Variants in CADM2 observed in about 807,000 individuals in gnomAD.
CADM2 encodes the protein immunoglobulin superfamily member 4D.
A neutral mutation model predicts 49.8 loss-of-function variants in CADM2; 12 were observed. The observed-to-expected ratio is 0.24, with a 90% CI of 0.15 to 0.39. CADM2 has a LOEUF of 0.39. Among genes scored for constraint, CADM2 ranks in the 10% least tolerant of loss-of-function variants. The pLI is 1.00. For missense variants in CADM2, 378 were observed against 492.3 expected (o/e 0.77, Z 2.20); for synonymous variants, 214 against 175.4 (o/e 1.22, Z -1.74).
intron 1 of CADM2, among the ~76,000 whole-genome samples, chr3:85,164,519 C>T (rs1327498698): frequency 6.6e-6 from 1 of 152,012 alleles, no homozygotes; most frequent in Non-Finnish European, 1.5e-5. Context: ...AGCAATCTGT[C>T]ACGGGAAGAC....
chr3:86,014,417 T>C (rs1731952007), intron 8 of CADM2: 1 of 1,482,306 alleles, frequency 6.7e-7, no homozygotes, highest in South Asian at 1.4e-5. Flanking sequence ...TGATGGAAAA[T>C]ATTGAAGTTT....
In CADM2 at chr3:85,714,426, G is replaced by T. The variant is rs532741058; in HGVS notation, c.62-12096G>T. On this transcript the variant is annotated intron_variant, in intron 1 of 9. Transcript: ENST00000383699. ...TGTCAAATTTTGTTTTCTGTTTTTTGTTTGTTTGTTTGTTTTTTGAGATGG... is the reference window on the plus strand; with the variant it reads ...TGTCAAATTTTGTTTTCTGTTTTTTTTTTGTTTGTTTGTTTTTTGAGATGG... 4.6e-5 allele frequency among the ~76,000 whole-genome samples: 7 copies of T among 151,810 alleles called. No individual in the cohort carries two copies. The East Asian group carries it at 1.4e-3, about 30-fold the overall frequency.
chr3:85,834,252 AGT>A (rs1373766952), intron 3 of CADM2, among the ~76,000 whole-genome samples: 3 of 151,678 alleles, frequency 2.0e-5, no homozygotes, highest in Non-Finnish European at 4.4e-5. Context: ...AAATATTCAT[AGT>A]GTTATGTTAC....
At chr3:84,978,482 A>G (rs1183363141) in intron 1 of CADM2, among the ~76,000 whole-genome samples, 1 of 152,186 alleles carries the variant, frequency 6.6e-6, no homozygotes, top group Non-Finnish European at 1.5e-5. Context: ...CCTTTCTCAG[A>G]CACATCATTT....
chr3:85,977,072 T>C (rs1726877757), intron 8 of CADM2, among the ~76,000 whole-genome samples: 1 of 151,070 alleles, frequency 6.6e-6, no homozygotes, highest in Non-Finnish European at 1.5e-5. Context: ...ACTGCCTATA[T>C]TGGTTGACGT....
At chr3:85,943,407 G>A (rs1373083969) in intron 7 of CADM2, among the ~76,000 whole-genome samples, 1 of 145,864 alleles carries the variant, frequency 6.9e-6, no homozygotes, top group African/African-American at 2.6e-5. Flanking sequence ...TGAAGTCCTT[G>A]CCCATGCCTA....
chr3:85,446,979 T>C (rs2037488304), intron 1 of CADM2, among the ~76,000 whole-genome samples: 1 of 111,254 alleles, frequency 9.0e-6, no homozygotes, highest in Non-Finnish European at 1.8e-5. Flanking sequence ...GACTTAAGCC[T>C]AATATGTATT....
At chr3:86,065,356 T>C (rs1739183948) in intron 8 of CADM2, among the ~76,000 whole-genome samples, 1 of 152,218 alleles carries the variant, frequency 6.6e-6, no homozygotes, top group African/African-American at 2.4e-5. Flanking sequence ...AAATTATATA[T>C]GTATATTTGC....
intron 6 of CADM2, among the ~76,000 whole-genome samples, chr3:85,926,255 G>GT (rs949610415): frequency 2.0e-5 from 3 of 151,946 alleles, no homozygotes; most frequent in Non-Finnish European, 2.9e-5. Context: ...AATTCTGTTT[G>GT]TTTTTTTGGG....
At position 85,085,422 on chromosome 3, in the gene CADM2, T is replaced by TTA. The variant is rs1167227397; in HGVS notation, c.61+125764_61+125765dup. Among the ~76,000 whole-genome samples the TTA allele has an allele frequency of 5.0e-3, 766 of 151,922 alleles. 8 individuals are homozygous for TTA. The highest frequency in any genetic ancestry group is 0.016 in the African/African-American group (667 of 41,466). ...TTTTTAAAGTCTCAATAGTATTCAA[T>TTA]TATATATATATGTATATGTATTACA... On this transcript the variant is annotated intron_variant, in intron 1 of 9. Transcript: ENST00000383699.
intron 6 of CADM2, among the ~76,000 whole-genome samples, chr3:85,931,044 A>G (rs116152699): frequency 0.033 from 5,053 of 152,012 alleles, 283 homozygotes; most frequent in African/African-American, 0.12. Flanking sequence ...AATATTTTAG[A>G]ATAGTATACC....
chr3:85,659,575 T>C (rs919531935), intron 1 of CADM2, among the ~76,000 whole-genome samples: 2 of 152,134 alleles, frequency 1.3e-5, no homozygotes, highest in Non-Finnish European at 2.9e-5. Context: ...AAATTTTCAT[T>C]TTCTGATCTC....
chr3:85,715,666 C>T (rs1050947419), intron 1 of CADM2, among the ~76,000 whole-genome samples: 2 of 152,058 alleles, frequency 1.3e-5, no homozygotes, highest in Non-Finnish European at 2.9e-5. Flanking sequence ...GCCCTCCACC[C>T]GCTGACAGAC....
At chr3:85,398,796 A>C (rs1490763788) in intron 1 of CADM2, among the ~76,000 whole-genome samples, 1 of 152,180 alleles carries the variant, frequency 6.6e-6, no homozygotes, top group Non-Finnish European at 1.5e-5. Flanking sequence ...TGGCTGCATA[A>C]ATGTCTCCTT....
At chr3:85,651,341 G>A (rs1343590837) in intron 1 of CADM2, among the ~76,000 whole-genome samples, 1 of 152,102 alleles carries the variant, frequency 6.6e-6, no homozygotes, top group African/African-American at 2.4e-5. Context: ...CAAGCAAGTT[G>A]CAAATTAGTC....
In CADM2 at chr3:85,360,286, C is replaced by A. The variant is rs189187500; in HGVS notation, c.62-366236C>A. ...CCAGTGAAACATCTACTATTGTTAG[C>A]TAATAACACAAAAATATAAAATAAG... On this transcript the variant is annotated intron_variant, in intron 1 of 9. Transcript: ENST00000383699. Among the ~76,000 whole-genome samples the A allele has an allele frequency of 6.6e-5, 10 of 152,150 alleles. No homozygotes were observed. In the East Asian group the frequency reaches 1.9e-3, roughly 29 times the overall value.
intron 1 of CADM2, among the ~76,000 whole-genome samples, chr3:85,533,881 A>G (rs2106976765): frequency 6.6e-6 from 1 of 152,316 alleles, no homozygotes; most frequent in East Asian, 1.9e-4. Context: ...TTTAAATTCT[A>G]GGGAAAGAGC....
intron 8 of CADM2, chr3:86,012,474 G>C (rs1200336794): frequency 2.5e-6 from 2 of 805,694 alleles, no homozygotes; most frequent in Admixed American, 4.3e-5. Flanking sequence ...CGGCCGACCT[G>C]GCTCTCCTCC....
intron 1 of CADM2, among the ~76,000 whole-genome samples, chr3:85,091,965 T>G (rs2107525269): frequency 6.6e-6 from 1 of 152,294 alleles, no homozygotes; most frequent in South Asian, 2.1e-4. Context: ...TGATTGTATA[T>G]GTAACTAGAT....
Sources: gnomAD v4.1 joint callset for allele counts (sites outside exome capture counted in the v4.1 genomes callset) on GRCh38, gnomAD v4.1.1 for gene constraint, MANE v1.5 for transcripts, NCBI Gene and HGNC (gene_info 2026-07-23, HGNC 2026-07-21) for gene names.